The following SYNE2 variants were observed in gnomAD, a reference collection of about 807,000 sequenced individuals.
The protein encoded by SYNE2 is spectrin repeat containing nuclear envelope protein 2.
A neutral mutation model predicts 856.3 loss-of-function variants in SYNE2; 431 were observed. That is an observed-to-expected ratio of 0.50 (90% CI 0.47 to 0.55). The LOEUF (loss-of-function observed/expected upper bound fraction) is 0.55, where lower values mean the gene tolerates loss of function less well. Among genes scored for constraint, SYNE2 ranks in the 20% least tolerant of loss-of-function variants. The pLI is 0.00. For synonymous variants in SYNE2, 2,923 were observed against 2,872.3 expected (o/e 1.02, Z -0.56); for missense variants, 8,129 against 8,023.2 (o/e 1.01, Z -0.50).
Position 64,129,877 on chromosome 14 carries a change from A to G in SYNE2, c.14115A>G (p.Leu4705=), listed in dbSNP as rs759472949. 1 of 1,614,096 alleles carries G rather than the reference A, an allele frequency of 6.2e-7. No homozygotes were observed. Among genetic ancestry groups the G allele is most frequent in the Non-Finnish European group, 8.5e-7 (1 of 1,180,014 alleles). ...AGAGGCTTCATTTACCTTATGCTTT[A>G]CTCCAGGAGGTTTACAAATTAGAGG... is the stretch of plus-strand genomic sequence containing the variant. ...EGERLHLPYA[L]LQEVYKLEDV... The change falls in exon 75 of 116, where the codon TTA becomes TTG. Residue 4705 remains leucine (L), a synonymous_variant. Coordinates refer to ENST00000555002, the MANE Select transcript of SYNE2 (RefSeq NM_182914.3).
At chr14:63,881,495 A>G (rs910933911) in intron 1 of SYNE2, among the ~76,000 whole-genome samples, 2 of 151,726 alleles carry the variant, frequency 1.3e-5, no homozygotes, top group Non-Finnish European at 2.9e-5. Flanking sequence ...CAATAAATAA[A>G]CAAAACAAAA....
At chr14:63,942,504 C>CT (rs949839089) in intron 6 of SYNE2, among the ~76,000 whole-genome samples, 12 of 147,936 alleles carry the variant, frequency 8.1e-5, no homozygotes, top group South Asian at 2.1e-4. Context: ...TTTTTTTTTT[C>CT]TTTTTTTTGA....
At position 64,158,802 on chromosome 14, in the gene SYNE2, T is replaced by G. The variant is rs781127255; in HGVS notation, c.15963+7T>G. The G allele has an allele frequency of 8.1e-6, 13 of 1,613,654 alleles. 1 individual carries two copies. The South Asian group carries it at 1.4e-4, about 18-fold the overall frequency. On this transcript the variant is annotated splice_region_variant and intron_variant, in intron 86 of 115. Transcript: ENST00000555002. ...CCAGGTGGAGAACCTTCAGGTAAAT[T>G]AACCAGAGCTTGGCATGGTGCATTA...
chr14:64,038,857 GGGGAGAGGGAGA>G (rs138345804), intron 45 of SYNE2, among the ~76,000 whole-genome samples: 5 of 151,578 alleles, frequency 3.3e-5, no homozygotes, highest in South Asian at 4.2e-4. Flanking sequence ...GGGAGACCGT[GGGGAGAGGGAGA>G]GGGAGAGGGA....
chr14:64,004,433 C>T (rs1229844367), intron 30 of SYNE2, among the ~76,000 whole-genome samples: 4 of 151,498 alleles, frequency 2.6e-5, no homozygotes, highest in South Asian at 4.2e-4. Flanking sequence ...CAGGTTTAGG[C>T]GATTCTTCTA....
chr14:63,835,889 A>G (rs959413811), intron 1 of SYNE2, among the ~76,000 whole-genome samples: 5 of 151,450 alleles, frequency 3.3e-5, no homozygotes, highest in Non-Finnish European at 4.4e-5. Flanking sequence ...AGGCTGAGGC[A>G]GGAGAATCAC....
In SYNE2 at chr14:64,076,072, G is replaced by A. The variant is rs1472270181; in HGVS notation, c.10994G>A (p.Arg3665Lys). Residue 3665 changes from arginine (R) to lysine (K), a missense_variant, in exon 54 of 116, where the codon AGA (arginine) becomes AAA (lysine). Physicochemically the swap from Arg to Lys is conservative, Grantham distance 26. Coordinates refer to ENST00000555002, the MANE Select transcript of SYNE2 (RefSeq NM_182914.3). Reference sequence around the variant, plus strand: ...ATTGAATCCCAGGTGGAAGAATGCAGAAAAGCTTTAGAAGACATAGATGAG... The same window carrying A: ...ATTGAATCCCAGGTGGAAGAATGCAAAAAAGCTTTAGAAGACATAGATGAG... The part of the protein sequence containing the change: ...AEIESQVEEC[R>K]KALEDIDEKI... 1.9e-6 allele frequency: 3 copies of A among 1,613,826 alleles called. No individual in the cohort carries two copies. Among genetic ancestry groups the A allele is most frequent in the Non-Finnish European group, 2.5e-6 (3 of 1,179,800 alleles).
At chr14:63,944,798 C>T (rs1225961716) in intron 6 of SYNE2, among the ~76,000 whole-genome samples, 3 of 131,260 alleles carry the variant, frequency 2.3e-5, no homozygotes, top group South Asian at 2.6e-4. Context: ...GGATTACAGG[C>T]GTGAGCCACC....
intron 70 of SYNE2, among the ~76,000 whole-genome samples, chr14:64,123,134 G>A (rs945077421): frequency 1.3e-5 from 2 of 151,770 alleles, no homozygotes; most frequent in South Asian, 2.1e-4. Context: ...ACTATACAGC[G>A]CTACAATGAG....
intron 89 of SYNE2, among the ~76,000 whole-genome samples, chr14:64,164,764 G>C (rs752336445): frequency 6.6e-6 from 1 of 152,110 alleles, no homozygotes; most frequent in Non-Finnish European, 1.5e-5. Flanking sequence ...TCAAAGGCAC[G>C]AGTGAAAAAT....
intron 65 of SYNE2, among the ~76,000 whole-genome samples, chr14:64,108,568 C>T (rs980159878): frequency 6.6e-6 from 1 of 152,040 alleles, no homozygotes; most frequent in Non-Finnish European, 1.5e-5. Flanking sequence ...TCAAATAGCT[C>T]CTATAAAAGA....
intron 111 of SYNE2, among the ~76,000 whole-genome samples, chr14:64,221,237 G>A (rs1341052201): frequency 1.3e-5 from 2 of 152,170 alleles, no homozygotes; most frequent in Non-Finnish European, 2.9e-5. Flanking sequence ...GTCCTGTTGG[G>A]TTGTTTCCCT....
intron 1 of SYNE2, among the ~76,000 whole-genome samples, chr14:63,819,834 C>T (rs1432360235): frequency 6.6e-6 from 1 of 152,164 alleles, no homozygotes; most frequent in East Asian, 1.9e-4. Context: ...CGCATCCTGC[C>T]CCAATTTTAT....
chr14:64,138,383 C>T (rs2098113160), intron 79 of SYNE2, among the ~76,000 whole-genome samples: 1 of 151,960 alleles, frequency 6.6e-6, no homozygotes, highest in African/African-American at 2.4e-5. Flanking sequence ...AGGCATAGGC[C>T]ACCGTGCATG....
At chr14:64,057,715 GTAC>G (rs1410819555) in intron 49 of SYNE2, among the ~76,000 whole-genome samples, 12 of 152,154 alleles carry the variant, frequency 7.9e-5, no homozygotes, top group Non-Finnish European at 1.0e-4. Flanking sequence ...CATAGTGGTT[GTAC>G]TAATTTGCAT....
chr14:64,165,518 A>ATTTTTAT (rs1555521200), intron 90 of SYNE2, 108 bp downstream of exon 90: 2 of 1,038,532 alleles, frequency 1.9e-6, no homozygotes, highest in Non-Finnish European at 2.7e-6. Context: ...ACTCACTCTT[A>ATTTTTAT]TTTTTTTTTT....
intron 112 of SYNE2, 21 bp from the exon 113 acceptor site, chr14:64,223,166 TCA>T (rs776731947): frequency 6.2e-6 from 10 of 1,612,850 alleles, no homozygotes; most frequent in Admixed American, 1.7e-5. Context: ...GGTCACTGTT[TCA>T]CACACTTTAT....
intron 1 of SYNE2, among the ~76,000 whole-genome samples, chr14:63,773,407 C>T (rs1423194961): frequency 1.3e-5 from 2 of 151,274 alleles, no homozygotes; most frequent in Admixed American, 6.6e-5. Context: ...TCCCATGTTG[C>T]CCAGGCTGGT....
intron 112 of SYNE2, 74 bp downstream of exon 112, chr14:64,221,778 C>T: frequency 6.4e-7 from 1 of 1,554,426 alleles, no homozygotes; most frequent in Non-Finnish European, 8.9e-7. Context: ...ACTCAGGTAG[C>T]CTCGCCTAGT....
Sources: allele counts gnomAD v4.1 joint callset (sites outside exome capture counted in the v4.1 genomes callset), GRCh38; gene constraint gnomAD v4.1.1; transcripts MANE v1.5; gene names NCBI Gene and HGNC (gene_info 2026-07-23, HGNC 2026-07-21).